The following GRID2 variants were observed in gnomAD, a reference collection of about 807,000 sequenced individuals.
The protein encoded by GRID2 is glutamate ionotropic receptor delta type subunit 2, also known as glutamate receptor ionotropic, delta-2.
A neutral mutation model predicts 114.8 loss-of-function variants in GRID2; 33 were observed. The ratio of observed to expected loss-of-function variants is 0.29; its 90% CI spans 0.22 to 0.38. The LOEUF is 0.38. Ranked by LOEUF, GRID2 falls within the 10% of genes least tolerant of loss-of-function variation. The probability of loss-of-function intolerance (pLI) is 1.00; values close to 1 mark genes in which losing one functional copy is unlikely to be tolerated. For missense variants in GRID2, 1,184 were observed against 1,257.7 expected (o/e 0.94, Z 0.89); for synonymous variants, 505 against 449.9 (o/e 1.12, Z -1.55).
intron 8 of GRID2, among the ~76,000 whole-genome samples, chr4:93,257,904 ATATTT>A (rs1180057650): frequency 6.7e-6 from 1 of 150,034 alleles, no homozygotes; most frequent in East Asian, 1.9e-4. Context: ...CCACATAAAA[ATATTT>A]TATTTTTATA....
intron 8 of GRID2, among the ~76,000 whole-genome samples, chr4:93,378,251 A>T (rs765436644): frequency 2.6e-5 from 4 of 152,154 alleles, no homozygotes; most frequent in Non-Finnish European, 4.4e-5. Flanking sequence ...TCTTAAACTT[A>T]AATTTAGATT....
intron 1 of GRID2, among the ~76,000 whole-genome samples, chr4:93,784,523 G>A (rs1328205512): frequency 6.6e-6 from 1 of 152,072 alleles, no homozygotes; most frequent in Non-Finnish European, 1.5e-5. Context: ...TGACAAGTAG[G>A]AGCCAGAGAA....
chr4:92,537,378 T>C (rs1725693440), intron 1 of GRID2, among the ~76,000 whole-genome samples: 4 of 152,300 alleles, frequency 2.6e-5, no homozygotes, highest in Middle Eastern at 6.8e-3. Context: ...GTGAAAGACC[T>C]AGATTGATAT....
intron 2 of GRID2, among the ~76,000 whole-genome samples, chr4:92,818,665 A>G (rs1302963021): frequency 6.6e-6 from 1 of 152,148 alleles, no homozygotes; most frequent in Non-Finnish European, 1.5e-5. Context: ...ATGAGTCGCT[A>G]TACCATTGAA....
chr4:92,524,977 T>C (rs1280847454), intron 1 of GRID2, among the ~76,000 whole-genome samples: 2 of 151,996 alleles, frequency 1.3e-5, no homozygotes, highest in Non-Finnish European at 2.9e-5. Flanking sequence ...TTCAAACTTG[T>C]GGTTTTCATG....
chr4:93,175,444 T>A (rs555684887), intron 4 of GRID2, among the ~76,000 whole-genome samples: 2 of 152,230 alleles, frequency 1.3e-5, no homozygotes, highest in East Asian at 3.9e-4. Context: ...GTGCTGGGAT[T>A]ACAGGCGTGG....
At chr4:92,830,166 C>A (rs1742004630) in intron 2 of GRID2, among the ~76,000 whole-genome samples, 1 of 151,550 alleles carries the variant, frequency 6.6e-6, no homozygotes, top group African/African-American at 2.4e-5. Flanking sequence ...ATAAACACTC[C>A]CATATTTTCT....
At chr4:92,766,140 G>C (rs1678917635) in intron 2 of GRID2, among the ~76,000 whole-genome samples, 2 of 152,070 alleles carry the variant, frequency 1.3e-5, no homozygotes, top group Non-Finnish European at 1.5e-5. Flanking sequence ...CATTCTTCTG[G>C]CAAAGCTACT....
chr4:93,780,967 T>C (rs534223781), intron 1 of GRID2, among the ~76,000 whole-genome samples: 25 of 152,276 alleles, frequency 1.6e-4, no homozygotes, highest in East Asian at 5.8e-4. Flanking sequence ...AGAGCGTAGA[T>C]AGGTATTGAA....
intron 2 of GRID2, among the ~76,000 whole-genome samples, chr4:92,929,939 A>G (rs533713053): frequency 4.6e-5 from 7 of 151,490 alleles, no homozygotes; most frequent in African/African-American, 1.7e-4. Context: ...CAAAATCATA[A>G]TATCTTAGGT....
At chr4:92,568,835 G>T (rs375411285) in intron 1 of GRID2, among the ~76,000 whole-genome samples, 1 of 151,960 alleles carries the variant, frequency 6.6e-6, no homozygotes, top group African/African-American at 2.4e-5. Context: ...TTGGTTTTCT[G>T]TTCCTGCATT....
At chr4:93,702,013 A>G (rs1727553969) in intron 14 of GRID2, among the ~76,000 whole-genome samples, 1 of 152,106 alleles carries the variant, frequency 6.6e-6, no homozygotes, top group South Asian at 2.1e-4. Context: ...GAATTCATTA[A>G]CTAACTTTAT....
intron 13 of GRID2, among the ~76,000 whole-genome samples, chr4:93,587,416 T>A (rs573883899): frequency 3.3e-5 from 5 of 152,178 alleles, no homozygotes; most frequent in Non-Finnish European, 5.9e-5. Context: ...AATAATACTA[T>A]CATGAAAATA....
chr4:93,635,506 T>G (rs1721333999), intron 14 of GRID2, among the ~76,000 whole-genome samples: 1 of 151,838 alleles, frequency 6.6e-6, no homozygotes, highest in Non-Finnish European at 1.5e-5. Flanking sequence ...ACACATCTAT[T>G]TAGATAAGGA....
chr4:92,689,731 G>T (rs1734085147), intron 2 of GRID2, among the ~76,000 whole-genome samples: 2 of 152,166 alleles, frequency 1.3e-5, no homozygotes, highest in African/African-American at 2.4e-5. Context: ...AATATTGGGG[G>T]TGGTTGTTCT....
intron 1 of GRID2, among the ~76,000 whole-genome samples, chr4:92,410,998 C>T (rs1731271817): frequency 6.6e-6 from 1 of 151,942 alleles, no homozygotes; most frequent in Non-Finnish European, 1.5e-5. Context: ...ACAATAAAAG[C>T]AGCCACTGGT....
intron 14 of GRID2, among the ~76,000 whole-genome samples, chr4:93,677,950 A>C (rs565419769): frequency 1.0e-5 from 1 of 95,436 alleles, no homozygotes; most frequent in East Asian, 3.9e-4. Flanking sequence ...TGACGAGTTG[A>C]GAGAAGGCTT....
intron 13 of GRID2, among the ~76,000 whole-genome samples, chr4:93,606,222 A>C (rs1740219441): frequency 6.6e-6 from 1 of 152,126 alleles, no homozygotes; most frequent in Non-Finnish European, 1.5e-5. Flanking sequence ...AGCTGAGATC[A>C]CGCCTCTGCA....
Position 92,989,346 on chromosome 4 carries a change from TTATG to T in GRID2, c.245-95647_245-95644del, listed in dbSNP as rs1319085480. Among the ~76,000 whole-genome samples, 3 of 151,640 alleles carry T rather than the reference TTATG, an allele frequency of 2.0e-5. No homozygotes were observed. In the South Asian group the frequency reaches 6.3e-4, roughly 32 times the overall value. On this transcript the variant is annotated intron_variant, in intron 2 of 15. Coordinates refer to ENST00000282020, the MANE Select transcript of GRID2 (RefSeq NM_001510.4). The stretch of plus-strand genomic sequence containing the variant: ...AGCTATTTTATATGTGTGTGCATGT[TTATG>T]TGTGTGTATATATGTATATGTACAC...
Sources: gnomAD v4.1 joint callset for allele counts (sites outside exome capture counted in the v4.1 genomes callset) on GRCh38, gnomAD v4.1.1 for gene constraint, MANE v1.5 for transcripts, NCBI Gene and HGNC (gene_info 2026-07-23, HGNC 2026-07-21) for gene names.